The following TRIO variants were observed in gnomAD, a reference collection of about 807,000 sequenced individuals.
The protein encoded by TRIO is triple functional domain protein.
A neutral mutation model predicts 351.9 loss-of-function variants in TRIO; 58 were observed. The observed-to-expected ratio is 0.16, with a 90% CI of 0.13 to 0.21. The LOEUF is 0.21. TRIO is among the 10% of genes least tolerant of loss of function. The pLI is 1.00. For missense variants in TRIO, 3,201 were observed against 4,027.8 expected, an observed-to-expected ratio of 0.79 and a Z score of 5.56; for synonymous variants, 1,758 against 1,595.7, an observed-to-expected ratio of 1.10 and a Z score of -2.42.
At position 14,297,063 on chromosome 5, in the gene TRIO, A is replaced by T; in HGVS notation, c.1177-9A>T. ...CCTAAGGAGCCCTCTTTTCCTGCCCACTTTCCAGAACGTGTATGTAAATAT... is the reference window on the plus strand; with the variant it reads ...CCTAAGGAGCCCTCTTTTCCTGCCCTCTTTCCAGAACGTGTATGTAAATAT... On this transcript the variant is annotated splice_polypyrimidine_tract_variant and intron_variant, in intron 6 of 56. Transcript: ENST00000344204. 1 of 1,603,664 alleles carries T rather than the reference A, an allele frequency of 6.2e-7. No homozygotes were observed. Among genetic ancestry groups the T allele is most frequent in the Non-Finnish European group, 8.5e-7 (1 of 1,171,562 alleles).
At chr5:14,245,966 G>T (rs917771136) in intron 1 of TRIO, among the ~76,000 whole-genome samples, 1 of 152,192 alleles carries the variant, frequency 6.6e-6, no homozygotes, top group African/African-American at 2.4e-5. Flanking sequence ...AAGCCTCCTA[G>T]GTTAGAGTGT....
At chr5:14,378,782 A>C (rs1745804844) in intron 20 of TRIO, among the ~76,000 whole-genome samples, 1 of 151,924 alleles carries the variant, frequency 6.6e-6, no homozygotes, top group South Asian at 2.1e-4. Flanking sequence ...CTGGTCTCGA[A>C]CTCCTGACCT....
At chr5:14,179,418 G>A (rs1335962870) in intron 1 of TRIO, among the ~76,000 whole-genome samples, 1 of 150,782 alleles carries the variant, frequency 6.6e-6, no homozygotes, top group Admixed American at 6.6e-5. Flanking sequence ...GAATTCTTCA[G>A]TAATATAAAT....
intron 12 of TRIO, among the ~76,000 whole-genome samples, chr5:14,359,133 G>T (rs1290377002): frequency 6.6e-6 from 1 of 152,206 alleles, no homozygotes; most frequent in East Asian, 1.9e-4. Flanking sequence ...AGTGATTTCA[G>T]AAAATGCCAG....
intron 15 of TRIO, among the ~76,000 whole-genome samples, chr5:14,365,208 T>C (rs1451637454): frequency 1.3e-5 from 2 of 152,252 alleles, no homozygotes; most frequent in East Asian, 3.8e-4. Flanking sequence ...CCTGGGGCAT[T>C]TCTTTTGTTA....
rs1398959421 is a variant in TRIO at position 14,162,387 on chromosome 5, A to G, written c.157+18505A>G. On this transcript the variant is annotated intron_variant, in intron 1 of 56. Transcript: ENST00000344204. ...AAATTATCAGAACAGATGGCTTGTA[A>G]TTTAACACTCTTCTAGCCCATATTC... Among the ~76,000 whole-genome samples the G allele has an allele frequency of 2.6e-5, 4 of 152,342 alleles. No homozygotes were observed. The East Asian group carries it at 5.8e-4, about 22-fold the overall frequency.
intron 5 of TRIO, among the ~76,000 whole-genome samples, chr5:14,292,157 T>TA (rs1736971433): frequency 6.6e-6 from 1 of 152,234 alleles, no homozygotes; most frequent in Non-Finnish European, 1.5e-5. Context: ...TTTTGTAAAG[T>TA]AAAAAACCAC....
At chr5:14,146,472 T>C (rs1398663569) in intron 1 of TRIO, among the ~76,000 whole-genome samples, 1 of 152,214 alleles carries the variant, frequency 6.6e-6, no homozygotes, top group Admixed American at 6.5e-5. Flanking sequence ...AATTCGTTCT[T>C]GTTGCCCGCA....
rs115355407 is a variant in TRIO at position 14,298,833 on chromosome 5, C to T, written c.1368+1570C>T. Among the ~76,000 whole-genome samples, 827 of 152,268 alleles carry T rather than the reference C, an allele frequency of 5.4e-3. 9 individuals carry two copies. The highest frequency in any genetic ancestry group is 7.7e-3 in the Non-Finnish European group (527 of 68,020). ...TTTTGTGATAAAAGATAGACAAAAG[C>T]CCACACACAAAAACAACTTTTTAAA... On this transcript the variant is annotated intron_variant, in intron 7 of 56. Transcript: ENST00000344204.
At chr5:14,163,165 T>A (rs932931226) in intron 1 of TRIO, among the ~76,000 whole-genome samples, 1 of 152,146 alleles carries the variant, frequency 6.6e-6, no homozygotes, top group African/African-American at 2.4e-5. Flanking sequence ...TCCCTCCCTT[T>A]GCCCCCCATC....
chr5:14,273,674 A>T (rs550150772), intron 2 of TRIO, among the ~76,000 whole-genome samples: 3 of 152,332 alleles, frequency 2.0e-5, no homozygotes, highest in South Asian at 4.1e-4. Flanking sequence ...CCCATGGAGG[A>T]TGCAGCCCTC....
rs1297632811 is a variant in TRIO, at chr5:14,151,099, G to GTT, written c.157+7219_157+7220dup. Among the ~76,000 whole-genome samples the GTT allele has an allele frequency of 5.9e-5, 9 of 152,320 alleles. No homozygotes were observed. In the East Asian group the frequency reaches 1.7e-3, roughly 29 times the overall value. On this transcript the variant is annotated intron_variant, in intron 1 of 56. Coordinates refer to ENST00000344204, the MANE Select transcript of TRIO (RefSeq NM_007118.4). ...CACAGTTCCTGGTGCGAAAGAAGAA[G>GTT]TTTAGTTTCATCTGGAGGGCTTCGT...
chr5:14,299,357 A>G (rs1178175212), intron 7 of TRIO, among the ~76,000 whole-genome samples: 38 of 152,274 alleles, frequency 2.5e-4, no homozygotes, highest in Admixed American at 2.5e-3. Context: ...GTGGCCAGAG[A>G]AGAAGCCAAA....
intron 13 of TRIO, among the ~76,000 whole-genome samples, chr5:14,361,619 GTTAATTTATT>G (rs1298962409): frequency 6.6e-6 from 1 of 152,168 alleles, no homozygotes; most frequent in Non-Finnish European, 1.5e-5. Context: ...CTGTTACCCG[GTTAATTTATT>G]TTAAGTCCCT....
At chr5:14,172,111 T>C (rs1789134428) in intron 1 of TRIO, among the ~76,000 whole-genome samples, 1 of 152,238 alleles carries the variant, frequency 6.6e-6, no homozygotes, top group South Asian at 2.1e-4. Flanking sequence ...TTATATTCAT[T>C]AGGACACTAA....
intron 38 of TRIO, among the ~76,000 whole-genome samples, chr5:14,472,279 A>G (rs959450277): frequency 6.6e-6 from 1 of 152,240 alleles, no homozygotes; most frequent in East Asian, 1.9e-4. Context: ...TTCCTTTACT[A>G]TCATGGCTTT....
chr5:14,357,709 T>G (rs1743752720), intron 11 of TRIO, among the ~76,000 whole-genome samples: 2 of 151,544 alleles, frequency 1.3e-5, no homozygotes. Flanking sequence ...CATTGTGCAC[T>G]TCCTTCTGTG....
chr5:14,452,489 G>A (rs1406718749), intron 34 of TRIO, among the ~76,000 whole-genome samples: 1 of 152,216 alleles, frequency 6.6e-6, no homozygotes, highest in African/African-American at 2.4e-5. Flanking sequence ...CAGGTGGCAG[G>A]GGTGTTAGTG....
intron 7 of TRIO, among the ~76,000 whole-genome samples, chr5:14,302,805 G>A (rs1738016700): frequency 6.6e-6 from 1 of 152,250 alleles, no homozygotes; most frequent in Non-Finnish European, 1.5e-5. Flanking sequence ...TAAAAGATGT[G>A]TGAGGAACAG....
Sources: allele counts gnomAD v4.1 joint callset (sites outside exome capture counted in the v4.1 genomes callset), GRCh38; gene constraint gnomAD v4.1.1; transcripts MANE v1.5; gene names NCBI Gene and HGNC (gene_info 2026-07-23, HGNC 2026-07-21).